Variants in NRXN3 observed in about 807,000 individuals in gnomAD.
NRXN3 encodes neurexin III.
Under a neutral mutation model 137.6 loss-of-function variants are expected in NRXN3, and 32 were observed. The ratio of observed to expected loss-of-function variants is 0.23; its 90% confidence interval spans 0.18 to 0.31. The LOEUF (loss-of-function observed/expected upper bound fraction) is 0.31. Ranked by LOEUF, NRXN3 falls within the 10% of genes least tolerant of loss-of-function variation. The probability of loss-of-function intolerance (pLI) is 1.00; values close to 1 mark genes in which losing one functional copy is unlikely to be tolerated. For missense variants in NRXN3, 1,574 were observed against 2,062.5 expected (o/e 0.76, Z 4.59); for synonymous variants, 798 against 784.5 (o/e 1.02, Z -0.29).
chr14:79,824,076 A>C (rs1289385209), intron 20 of NRXN3, among the ~76,000 whole-genome samples: 1 of 152,198 alleles, frequency 6.6e-6, no homozygotes, highest in Non-Finnish European at 1.5e-5. Flanking sequence ...CTTTAACCCC[A>C]GCTTCAGGTG....
At chr14:79,714,816 T>C in intron 19 of NRXN3, among the ~76,000 whole-genome samples, 1 of 152,206 alleles carries the variant, frequency 6.6e-6, no homozygotes, top group East Asian at 1.9e-4. Flanking sequence ...CGTCCTCTGT[T>C]GTAAACATTT....
intron 8 of NRXN3, among the ~76,000 whole-genome samples, chr14:78,778,678 T>TTTCTTTC (rs1555489569): frequency 6.1e-5 from 7 of 114,472 alleles, no homozygotes; most frequent in South Asian, 2.9e-4. Context: ...TTCTCTTTTC[T>TTTCTTTC]TTTCTTTCTT....
intron 8 of NRXN3, among the ~76,000 whole-genome samples, chr14:78,742,476 C>T (rs943281665): frequency 6.6e-6 from 1 of 152,150 alleles, no homozygotes; most frequent in Non-Finnish European, 1.5e-5. Context: ...TCAATTGCTG[C>T]ATGTATATTG....
Position 79,752,075 on chromosome 14 carries a change from T to C in NRXN3, c.4015-53037T>C, listed in dbSNP as rs561618613. Among the ~76,000 whole-genome samples the C allele has an allele frequency of 1.4e-4, 22 of 152,312 alleles. No individual in the cohort carries two copies. The East Asian group carries it at 4.1e-3, about 28-fold the overall frequency. ...CTGTCCAGCTTTGGTATCAGGATGA[T>C]GCTGGCCTCATAAAACGAGTTAGGG... is the stretch of plus-strand genomic sequence containing the variant. On this transcript the variant is annotated intron_variant, in intron 19 of 20. Transcript: ENST00000335750.
At chr14:78,260,244 T>C (rs2070459337) in intron 2 of NRXN3, among the ~76,000 whole-genome samples, 1 of 152,138 alleles carries the variant, frequency 6.6e-6, no homozygotes, top group Admixed American at 6.5e-5. Flanking sequence ...GGTTTATTGG[T>C]CTCTCTTCAC....
At chr14:78,309,551 A>C (rs2077737136) in intron 4 of NRXN3, among the ~76,000 whole-genome samples, 2 of 152,068 alleles carry the variant, frequency 1.3e-5, no homozygotes, top group Non-Finnish European at 2.9e-5. Flanking sequence ...TCAAGAAAAA[A>C]AAACTACTGG....
chr14:78,380,935 A>C (rs1363986922), intron 4 of NRXN3, among the ~76,000 whole-genome samples: 12 of 152,204 alleles, frequency 7.9e-5, no homozygotes. Context: ...ACAGTAATCA[A>C]GACTGTGTGT....
intron 10 of NRXN3, among the ~76,000 whole-genome samples, chr14:78,931,161 T>G (rs903128706): frequency 6.6e-6 from 1 of 152,148 alleles, no homozygotes; most frequent in African/African-American, 2.4e-5. Context: ...TATCCTTCAC[T>G]AGAAGGCAGA....
At chr14:78,613,165 G>A (rs974377733) in intron 4 of NRXN3, among the ~76,000 whole-genome samples, 2 of 151,714 alleles carry the variant, frequency 1.3e-5, no homozygotes, top group Non-Finnish European at 2.9e-5. Context: ...GTTTAATTGC[G>A]CTAAGTTCTT....
At chr14:79,007,336 A>G (rs1465741421) in intron 15 of NRXN3, among the ~76,000 whole-genome samples, 2 of 152,170 alleles carry the variant, frequency 1.3e-5, no homozygotes, top group East Asian at 3.9e-4. Context: ...GCAGTTGATG[A>G]TGAGGGTTGT....
rs985008227 is a variant in NRXN3 at position 78,286,500 on chromosome 14, G to A, written c.727+7838G>A. Among the ~76,000 whole-genome samples, 4 of 152,126 alleles carry A rather than the reference G, an allele frequency of 2.6e-5. No individual in the cohort carries two copies. The South Asian group carries it at 6.2e-4, about 24-fold the overall frequency. On this transcript the variant is annotated intron_variant, in intron 3 of 20. Coordinates refer to ENST00000335750, the MANE Select transcript of NRXN3 (RefSeq NM_001330195.2). The stretch of plus-strand genomic sequence containing the variant: ...AGACCTGCCTAGGGAGGTCTGGTAA[G>A]GACGAGGCTAAGCTTGTCAGTTTGC...
At chr14:78,220,493 G>A (rs554307593) in intron 1 of NRXN3, among the ~76,000 whole-genome samples, 1 of 152,328 alleles carries the variant, frequency 6.6e-6, no homozygotes, top group East Asian at 1.9e-4. Context: ...AGCTGTGTGA[G>A]TCAGGGACAT....
chr14:78,435,734 T>C (rs886757201), intron 4 of NRXN3, among the ~76,000 whole-genome samples: 3 of 152,132 alleles, frequency 2.0e-5, no homozygotes, highest in African/African-American at 7.2e-5. Context: ...GCAGAGACAT[T>C]ACAGCCAGTG....
chr14:79,331,380 C>T (rs1328307422), intron 15 of NRXN3, among the ~76,000 whole-genome samples: 1 of 152,144 alleles, frequency 6.6e-6, no homozygotes, highest in Non-Finnish European at 1.5e-5. Flanking sequence ...AATTCAGTTC[C>T]ACTGCTTGAC....
intron 19 of NRXN3, among the ~76,000 whole-genome samples, chr14:79,726,699 A>T (rs945821028): frequency 5.3e-5 from 8 of 152,212 alleles, no homozygotes; most frequent in Non-Finnish European, 1.0e-4. Flanking sequence ...GGAAAGCAAG[A>T]TGTAGCTTAC....
At chr14:78,880,464 T>C (rs2099125979) in intron 10 of NRXN3, among the ~76,000 whole-genome samples, 1 of 151,962 alleles carries the variant, frequency 6.6e-6, no homozygotes, top group South Asian at 2.1e-4. Context: ...AGTTCAGTAG[T>C]GAAATGCAAG....
intron 1 of NRXN3, among the ~76,000 whole-genome samples, chr14:78,193,151 T>G (rs2060900758): frequency 6.6e-6 from 1 of 152,168 alleles, no homozygotes; most frequent in Non-Finnish European, 1.5e-5. Context: ...AATTCATAAC[T>G]AGGGGGGTTT....
At chr14:79,658,938 A>G (rs2098519607) in intron 16 of NRXN3, among the ~76,000 whole-genome samples, 1 of 152,196 alleles carries the variant, frequency 6.6e-6, no homozygotes. Flanking sequence ...GTCTGGAATG[A>G]ACGAAGAGAT....
Position 78,243,564 on chromosome 14 carries a change from A to G in NRXN3, c.471A>G (p.Arg157=). Residue 157 remains arginine (R), a synonymous_variant, in exon 2 of 21, where the codon CGA becomes CGG. Transcript: ENST00000335750. The surrounding 1 kb of genome is among the most constrained non-coding windows in gnomAD (Gnocchi z 4.2). ...TTGGTGGAGTCCCTACTGACATACG[A>G]CCTTCTGCCCTGACCCTTGATGGAG... The part of the protein sequence containing the change: ...LFLGGVPTDI[R]PSALTLDGVQ... 6.3e-7 allele frequency: 1 copy of G among 1,598,218 alleles called. No homozygotes were observed. Among genetic ancestry groups the G allele is most frequent in the Non-Finnish European group, 8.5e-7 (1 of 1,179,760 alleles).
Sources: allele counts gnomAD v4.1 joint callset (sites outside exome capture counted in the v4.1 genomes callset), GRCh38; gene constraint gnomAD v4.1.1; non-coding constraint Gnocchi (gnomAD v3.1); transcripts MANE v1.5; gene names NCBI Gene and HGNC (gene_info 2026-07-23, HGNC 2026-07-21).